TAC4: variants seen among roughly 807,000 people sequenced by gnomAD.
The protein encoded by TAC4 is tachykinin precursor 4.
Under a neutral mutation model 17.7 loss-of-function variants are expected in TAC4, and 17 were observed. The ratio of observed to expected loss-of-function variants is 0.96; its 90% CI spans 0.66 to 1.44. The LOEUF (loss-of-function observed/expected upper bound fraction) is 1.44, where lower values mean the gene tolerates loss of function less well. TAC4 is among the 40% of genes most tolerant of loss of function. The pLI, the probability that TAC4 is intolerant of heterozygous loss-of-function variation, is 0.00. For synonymous variants in TAC4, 62 were observed against 52.4 expected, an observed-to-expected ratio of 1.18 and a Z score of -0.79; for missense variants, 118 against 125.6, an observed-to-expected ratio of 0.94 and a Z score of 0.29.
At chr17:49,845,744 C>T (rs992818997) in intron 1 of TAC4, among the ~76,000 whole-genome samples, 1 of 152,206 alleles carries the variant, frequency 6.6e-6, no homozygotes, top group Admixed American at 6.5e-5. Flanking sequence ...CTGGGACCAG[C>T]AGGAACCTGG....
chr17:49,846,503 C>T (rs1386906408), intron 1 of TAC4, among the ~76,000 whole-genome samples: 2 of 152,172 alleles, frequency 1.3e-5, no homozygotes, highest in Non-Finnish European at 2.9e-5. Flanking sequence ...TCTTGAACTC[C>T]TGGCCTCCAG....
Position 49,838,608 on chromosome 17 carries a change from A to G in TAC4, c.*34T>C, listed in dbSNP as rs761818514. ...TGACATCCAGGTAGGAAGAAGCGGC[A>G]CCGTGTCCTCTGGGAAGTCTGTGGT... is the stretch of plus-strand genomic sequence containing the variant. On this transcript the variant is annotated 3_prime_UTR_variant, in exon 5 of 5. Coordinates refer to ENST00000436235, the MANE Select transcript of TAC4 (RefSeq NM_001077506.2). The G allele has an allele frequency of 3.7e-6, 6 of 1,613,490 alleles. No homozygotes were observed. The highest frequency in any genetic ancestry group is 1.6e-4 in the Middle Eastern group (1 of 6,082).
chr17:49,844,734 G>C (rs2074524644), intron 1 of TAC4, among the ~76,000 whole-genome samples: 1 of 152,182 alleles, frequency 6.6e-6, no homozygotes, highest in East Asian at 1.9e-4. Flanking sequence ...CTCCAGCCTA[G>C]GTGACAGAGC....
chr17:49,845,705 C>G (rs1258729529), intron 1 of TAC4, among the ~76,000 whole-genome samples: 1 of 152,194 alleles, frequency 6.6e-6, no homozygotes, highest in African/African-American at 2.4e-5. Flanking sequence ...CTTCCATCCC[C>G]AGTTTCCCTA....
intron 1 of TAC4, chr17:49,846,842 C>T (rs1204048660): frequency 5.0e-6 from 4 of 803,206 alleles, no homozygotes; most frequent in Non-Finnish European, 6.8e-6. Context: ...TGTCTCTAGA[C>T]CAGGTACCCT....
intron 4 of TAC4, among the ~76,000 whole-genome samples, chr17:49,839,371 A>G (rs552121919): frequency 6.6e-6 from 1 of 152,286 alleles, no homozygotes; most frequent in South Asian, 2.1e-4. Context: ...CTCTGCTAGA[A>G]AGTGTGAACT....
rs2074472466 is a variant in TAC4, at chr17:49,838,456, A to G, written c.*186T>C. On this transcript the variant is annotated 3_prime_UTR_variant, in exon 5 of 5. Transcript: ENST00000436235. ...CTACGGCGAAGCTGTGCATTTATGC[A>G]GGACTGCTGCTTGACACTGAGAGTC... The G allele has an allele frequency of 1.4e-6, 1 of 710,640 alleles. No individual in the cohort carries two copies. The allele number at this position is 710,640 out of a possible 1,614,324, so 44.0% of individuals were successfully genotyped here. A position where few individuals can be genotyped will look rare whatever the true frequency, so the allele number is the denominator to read the frequency against.
At position 49,839,703 on chromosome 17, in the gene TAC4, C is replaced by T. The variant is rs532135669; in HGVS notation, c.292+147G>A. 4 of 683,916 alleles carry T rather than the reference C, an allele frequency of 5.8e-6. No individual in the cohort carries two copies. The Admixed American group carries it at 1.2e-4, about 21-fold the overall frequency. The allele number at this position is 683,916 out of a possible 1,614,324, so 42.4% of individuals were successfully genotyped here. A position where few individuals can be genotyped will look rare whatever the true frequency, so the allele number is the denominator to read the frequency against. ...TCAATCTTGGGACCACCTCCTTGCA[C>T]TCGACTGCCTCCCCTGGGGGCCTCC... On this transcript the variant is annotated intron_variant, in intron 4 of 4. Transcript: ENST00000436235.
Position 49,848,051 on chromosome 17 carries a change from C to T in TAC4, c.-34G>A. 1 of 1,610,940 alleles carries T rather than the reference C, an allele frequency of 6.2e-7. No homozygotes were observed. Among genetic ancestry groups the T allele is most frequent in the African/African-American group, 1.3e-5 (1 of 75,020 alleles). On this transcript the variant is annotated 5_prime_UTR_variant, in exon 1 of 5. Transcript: ENST00000436235. The stretch of plus-strand genomic sequence containing the variant: ...TGCACTGTCCTGGAATCTCTGGGAG[C>T]CCCTCTCAGCTTGAAGATGCCTCCT...
At chr17:49,841,688 G>T in intron 2 of TAC4, 104 bp from the exon 3 acceptor site, 2 of 1,173,848 alleles carry the variant, frequency 1.7e-6, no homozygotes, top group Non-Finnish European at 2.3e-6. Flanking sequence ...GCATTGGTGG[G>T]TCTTCAGTAG....
chr17:49,840,061 G>T, intron 3 of TAC4, 152 bp from the exon 4 acceptor site: 1 of 643,766 alleles, frequency 1.6e-6, no homozygotes, highest in East Asian at 2.8e-5. Context: ...ATCCCGAGAG[G>T]CGAGGAAACA....
Position 49,844,072 on chromosome 17 carries a change from C to T in TAC4, c.191G>A (p.Arg64Gln), listed in dbSNP as rs201147441. Residue 64 changes from arginine (R) to glutamine (Q), a missense_variant, in exon 2 of 5, where the codon CGA becomes CAA. By Grantham distance (43) the Arg-to-Gln change is conservative (BLOSUM62 1). Coordinates refer to ENST00000436235, the MANE Select transcript of TAC4 (RefSeq NM_001077506.2). ...ASQFFGLMGK[R>Q]VGGRPLIQPR... ...TTGTCATTGTCACTCACCTCCCACT[C>T]GCTTCCCCATCAGCCCAAAGAACTG... 4.2e-5 allele frequency: 68 copies of T among 1,613,844 alleles called. No homozygotes were observed. The highest frequency in any genetic ancestry group is 3.2e-4 in the African/African-American group (24 of 75,042).
At chr17:49,841,453 G>C in intron 3 of TAC4, 99 bp downstream of exon 3, 1 of 1,309,382 alleles carries the variant, frequency 7.6e-7, no homozygotes, top group Admixed American at 2.7e-5. Context: ...GCTTGCCCCT[G>C]GCCAGAGCAT....
At chr17:49,843,119 A>C (rs1457195135) in intron 2 of TAC4, among the ~76,000 whole-genome samples, 1 of 152,260 alleles carries the variant, frequency 6.6e-6, no homozygotes, top group East Asian at 1.9e-4. Context: ...ACTCTGGGTC[A>C]GAAAGGTAAG....
chr17:49,846,278 A>ATTTT, intron 1 of TAC4: 1 of 1,014,986 alleles, frequency 9.9e-7, no homozygotes, highest in Non-Finnish European at 1.3e-6. Flanking sequence ...CTGTTACCTC[A>ATTTT]TTTTTTTTTT....
At chr17:49,839,985 A>T in intron 3 of TAC4, 76 bp from the exon 4 acceptor site, 1 of 1,470,672 alleles carries the variant, frequency 6.8e-7, no homozygotes, top group Non-Finnish European at 9.5e-7. Flanking sequence ...GGAAGGACAA[A>T]GGACAGGGCC....
chr17:49,844,988 C>T (rs2074526940), intron 1 of TAC4, among the ~76,000 whole-genome samples: 1 of 152,212 alleles, frequency 6.6e-6, no homozygotes, highest in Non-Finnish European at 1.5e-5. Flanking sequence ...CGGGAAGAGG[C>T]TGAGCCAAGA....
At chr17:49,842,101 TCAC>T (rs1209594707) in intron 2 of TAC4, among the ~76,000 whole-genome samples, 1 of 150,724 alleles carries the variant, frequency 6.6e-6, no homozygotes, top group African/African-American at 2.4e-5. Flanking sequence ...AGATGGGGTT[TCAC>T]CACATTAGCC....
At position 49,838,660 on chromosome 17, in the gene TAC4, C is replaced by T. The variant is rs780359441; in HGVS notation, c.306G>A (p.Glu102=). 1.2e-6 allele frequency: 2 copies of T among 1,613,496 alleles called. No homozygotes were observed. Among genetic ancestry groups the T allele is most frequent in the Non-Finnish European group, 1.7e-6 (2 of 1,179,762 alleles). Residue 102 remains glutamate (E), a synonymous_variant, in exon 5 of 5, where the codon GAG becomes GAA. Coordinates refer to ENST00000436235, the MANE Select transcript of TAC4 (RefSeq NM_001077506.2). ...GGGGCTTTTACTCTGAACCTTGGGC[C>T]TCATCCTCTCTGCCTGGGGAGAGTT... ...RSLFTEGRED[E]AQGSE
Sources: gnomAD v4.1 joint callset for allele counts (sites outside exome capture counted in the v4.1 genomes callset) on GRCh38, gnomAD v4.1.1 for gene constraint, MANE v1.5 for transcripts, NCBI Gene and HGNC (gene_info 2026-07-23, HGNC 2026-07-21) for gene names.